SLCO3A1: variants seen among roughly 807,000 people sequenced by gnomAD.
The protein encoded by SLCO3A1 is PGE1 transporter.
A neutral mutation model predicts 63.1 loss-of-function variants in SLCO3A1; 27 were observed. The observed-to-expected ratio is 0.43, with a 90% CI of 0.32 to 0.59. SLCO3A1 has a LOEUF of 0.59. SLCO3A1 is among the 20% of genes least tolerant of loss of function. The pLI is 0.09. For synonymous variants in SLCO3A1, 473 were observed against 409.9 expected, an observed-to-expected ratio of 1.15 and a Z score of -1.86; for missense variants, 773 against 945.8, an observed-to-expected ratio of 0.82 and a Z score of 2.40.
At chr15:92,074,865 G>C (rs976276201) in intron 2 of SLCO3A1, among the ~76,000 whole-genome samples, 11 of 152,134 alleles carry the variant, frequency 7.2e-5, no homozygotes, top group African/African-American at 2.2e-4. Flanking sequence ...AATCACTTCT[G>C]CCCCTTCAGG....
Position 92,133,788 on chromosome 15 carries a change from A to G in SLCO3A1, c.1512+5299A>G, listed in dbSNP as rs190174153. Among the ~76,000 whole-genome samples the G allele has an allele frequency of 1.7e-4, 19 of 111,746 alleles. 3 individuals carry two copies. The highest frequency in any genetic ancestry group is 2.6e-4 in the Non-Finnish European group (12 of 46,292). The allele number at this position is 111,746 out of a possible 152,430, so 73.3% of individuals were successfully genotyped here. A position where few individuals can be genotyped will look rare whatever the true frequency, so the allele number is the denominator to read the frequency against. Reference sequence around the variant, plus strand: ...GTATAATTACATTTCATTATATAATACAATGTAATAATAGAAATAAAGCGC... The same window carrying G: ...GTATAATTACATTTCATTATATAATGCAATGTAATAATAGAAATAAAGCGC... On this transcript the variant is annotated intron_variant, in intron 7 of 9. Transcript: ENST00000318445.
At chr15:91,921,488 T>A (rs184167201) in intron 2 of SLCO3A1, among the ~76,000 whole-genome samples, 1 of 152,156 alleles carries the variant, frequency 6.6e-6, no homozygotes, top group Non-Finnish European at 1.5e-5. Context: ...CCAAAAGTTT[T>A]CGGTAAGGAG....
chr15:92,084,135 G>T (rs1366450121), intron 2 of SLCO3A1, among the ~76,000 whole-genome samples: 1 of 152,160 alleles, frequency 6.6e-6, no homozygotes, highest in African/African-American at 2.4e-5. Context: ...CGCATATGAA[G>T]AAAGACAGTA....
intron 2 of SLCO3A1, among the ~76,000 whole-genome samples, chr15:91,935,025 C>G (rs1899359004): frequency 6.6e-6 from 1 of 152,198 alleles, no homozygotes; most frequent in Non-Finnish European, 1.5e-5. Flanking sequence ...GCCATCTTGG[C>G]TCACTGCAAC....
intron 1 of SLCO3A1, among the ~76,000 whole-genome samples, chr15:91,873,277 A>G (rs1897320810): frequency 6.6e-6 from 1 of 152,220 alleles, no homozygotes; most frequent in African/African-American, 2.4e-5. Context: ...CCTCGAAAAC[A>G]AAAGTGAGTA....
chr15:91,854,193 A>C lies in SLCO3A1; in HGVS notation c.180+105A>C. The C allele has an allele frequency of 8.5e-7, 1 of 1,172,024 alleles. No individual in the cohort carries two copies. 72.6% of individuals were successfully genotyped at this position (1,172,024 alleles called of 1,614,324 possible). A position where few individuals can be genotyped will look rare whatever the true frequency, so the allele number is the denominator to read the frequency against. The stretch of plus-strand genomic sequence containing the variant: ...CGCCCGGCGCTGGGGGCAGGCGGGC[A>C]TGACCTCGGCCCGGCGTGGAGGTTG... On this transcript the variant is annotated intron_variant, in intron 1 of 9. Coordinates refer to ENST00000318445, the MANE Select transcript of SLCO3A1 (RefSeq NM_013272.4). The surrounding 1 kb of genome is among the most constrained non-coding windows in gnomAD (Gnocchi z 6.4).
chr15:92,073,128 C>G (rs1363808151), intron 2 of SLCO3A1, among the ~76,000 whole-genome samples: 1 of 152,132 alleles, frequency 6.6e-6, no homozygotes, highest in Non-Finnish European at 1.5e-5. Flanking sequence ...GCTTGGGAGA[C>G]TTGGGAGTCA....
chr15:91,977,774 C>T (rs182312679), intron 2 of SLCO3A1, among the ~76,000 whole-genome samples: 1 of 152,250 alleles, frequency 6.6e-6, no homozygotes, highest in East Asian at 1.9e-4. Flanking sequence ...TGGACAATAG[C>T]GTCCTAAGAT....
At chr15:92,045,480 A>T (rs981074066) in intron 2 of SLCO3A1, among the ~76,000 whole-genome samples, 2 of 152,158 alleles carry the variant, frequency 1.3e-5, no homozygotes, top group African/African-American at 4.8e-5. Context: ...GACTGATATT[A>T]TGCTATTTAT....
intron 1 of SLCO3A1, among the ~76,000 whole-genome samples, chr15:91,879,527 T>C (rs1897498230): frequency 6.6e-6 from 1 of 151,098 alleles, no homozygotes; most frequent in Non-Finnish European, 1.5e-5. Context: ...ATGATGCCTA[T>C]ACATGTAACA....
chr15:92,171,945 C>T (rs1021266263), exon 11 of SLCO3A1: 5 of 1,009,932 alleles, frequency 5.0e-6, no homozygotes, highest in Non-Finnish European at 7.6e-6. Context: ...CGCGCTCCTC[C>T]CTGTCCGAGA....
intron 2 of SLCO3A1, among the ~76,000 whole-genome samples, chr15:91,963,703 G>T (rs1015488939): frequency 2.6e-5 from 4 of 152,046 alleles, no homozygotes; most frequent in African/African-American, 7.3e-5. Context: ...GATGTGTCAG[G>T]AGTTTCTTCC....
intron 4 of SLCO3A1, among the ~76,000 whole-genome samples, chr15:92,110,185 C>T (rs918370933): frequency 2.6e-5 from 4 of 152,104 alleles, no homozygotes; most frequent in African/African-American, 7.2e-5. Context: ...TTGTAACCTC[C>T]CCTCCCCTCC....
At chr15:91,951,390 C>T (rs979403057) in intron 2 of SLCO3A1, among the ~76,000 whole-genome samples, 5 of 152,136 alleles carry the variant, frequency 3.3e-5, no homozygotes, top group Non-Finnish European at 5.9e-5. Flanking sequence ...ATTGGTAGTA[C>T]TGCATTCCTT....
At chr15:92,157,066 G>C (rs1238938335) in intron 9 of SLCO3A1, 1 of 152,162 alleles carries the variant, frequency 6.6e-6, no homozygotes. Flanking sequence ...AATATATATA[G>C]CTGCAATTTA....
At chr15:92,077,602 C>T (rs1436213104) in intron 2 of SLCO3A1, among the ~76,000 whole-genome samples, 1 of 152,108 alleles carries the variant, frequency 6.6e-6, no homozygotes, top group East Asian at 1.9e-4. Context: ...TGGTGGAGCA[C>T]GAGGTGAGGA....
At chr15:92,006,350 G>A (rs1014329784) in intron 2 of SLCO3A1, among the ~76,000 whole-genome samples, 8 of 152,184 alleles carry the variant, frequency 5.3e-5, no homozygotes, top group African/African-American at 7.2e-5. Context: ...GCTTCTATGA[G>A]CGCCAGATTG....
intron 2 of SLCO3A1, among the ~76,000 whole-genome samples, chr15:91,971,281 G>C (rs1900851537): frequency 6.6e-6 from 1 of 151,470 alleles, no homozygotes; most frequent in African/African-American, 2.4e-5. Context: ...TGTAGTCCCA[G>C]CTACTCGGGA....
intron 9 of SLCO3A1, 180 bp from the exon 10 acceptor site, chr15:92,162,576 C>T (rs1034427103): frequency 4.1e-6 from 4 of 982,122 alleles, no homozygotes; most frequent in Non-Finnish European, 5.8e-6. Context: ...CAGATTTGTA[C>T]CATAATAAAA....
Sources: allele counts gnomAD v4.1 joint callset (sites outside exome capture counted in the v4.1 genomes callset), GRCh38; gene constraint gnomAD v4.1.1; non-coding constraint Gnocchi (gnomAD v3.1); transcripts MANE v1.5; gene names NCBI Gene and HGNC (gene_info 2026-07-23, HGNC 2026-07-21).